Variants in SH3RF3 observed in about 807,000 individuals in gnomAD.
The protein encoded by SH3RF3 is E3 ubiquitin-protein ligase SH3RF3.
Under a neutral mutation model 66.3 loss-of-function variants are expected in SH3RF3, and 29 were observed. The observed-to-expected ratio is 0.44, with a 90% CI of 0.33 to 0.60. The LOEUF is 0.60. Among genes scored for constraint, SH3RF3 ranks in the 20% least tolerant of loss-of-function variants. SH3RF3 has a pLI of 0.04. For synonymous variants in SH3RF3, 583 were observed against 532.0 expected (o/e 1.10, Z -1.32); for missense variants, 1,194 against 1,190.9 (o/e 1.00, Z -0.04).
intron 1 of SH3RF3, among the ~76,000 whole-genome samples, chr2:109,237,703 T>C (rs1413602856): frequency 1.3e-5 from 2 of 152,190 alleles, no homozygotes; most frequent in African/African-American, 2.4e-5. Flanking sequence ...AGACAAAAGA[T>C]TGGACACTCC....
chr2:109,433,985 A>C (rs1244226844), intron 6 of SH3RF3, among the ~76,000 whole-genome samples: 1 of 152,148 alleles, frequency 6.6e-6, no homozygotes, highest in Admixed American at 6.5e-5. Flanking sequence ...TGACTTGCCC[A>C]GTGTGCGCAG....
At chr2:109,150,997 T>C (rs1044204395) in intron 1 of SH3RF3, among the ~76,000 whole-genome samples, 13 of 152,170 alleles carry the variant, frequency 8.5e-5, no homozygotes, top group Non-Finnish European at 1.8e-4. Flanking sequence ...GCTGAAACAT[T>C]GATGAAGGTC....
chr2:109,393,042 C>G (rs927806129), intron 3 of SH3RF3, among the ~76,000 whole-genome samples: 5 of 152,130 alleles, frequency 3.3e-5, no homozygotes, highest in Non-Finnish European at 7.4e-5. Context: ...CGAAGTCCAG[C>G]CCAGCCCAGC....
chr2:109,435,882 T>A (rs1677384196), intron 6 of SH3RF3, among the ~76,000 whole-genome samples: 1 of 152,264 alleles, frequency 6.6e-6, no homozygotes, highest in Middle Eastern at 3.4e-3. Flanking sequence ...CTGGGTGAAG[T>A]TCAGCACAGC....
In SH3RF3 at chr2:109,361,363, T is replaced by C. The variant is rs191499501; in HGVS notation, c.850-10223T>C. 6.5e-4 allele frequency among the ~76,000 whole-genome samples: 99 copies of C among 152,334 alleles called. 3 individuals carry two copies. The highest frequency in any genetic ancestry group is 4.9e-3 in the Admixed American group (75 of 15,306). ...GTTAGGAAATATTCTTTCTGCGAAG[T>C]ATTGAGATTGTAGAGAATTGGTATA... On this transcript the variant is annotated intron_variant, in intron 2 of 9. Transcript: ENST00000309415.
chr2:109,149,002 G>A (rs774317823), intron 1 of SH3RF3, among the ~76,000 whole-genome samples: 11 of 152,194 alleles, frequency 7.2e-5, no homozygotes, highest in Non-Finnish European at 1.6e-4. Context: ...TGCACTTCTG[G>A]CTTTCAACTG....
intron 9 of SH3RF3, among the ~76,000 whole-genome samples, chr2:109,494,353 A>ACAGC (rs1199091919): frequency 6.6e-6 from 1 of 152,088 alleles, no homozygotes; most frequent in African/African-American, 2.4e-5. Context: ...TTTCCAAAAA[A>ACAGC]CAGCCTGAAA....
At chr2:109,229,242 A>G (rs1194365647) in intron 1 of SH3RF3, among the ~76,000 whole-genome samples, 1 of 152,126 alleles carries the variant, frequency 6.6e-6, no homozygotes, top group African/African-American at 2.4e-5. Context: ...TTTTTAGTAC[A>G]CTTCTTATTT....
chr2:109,288,159 G>T (rs2105359060), intron 1 of SH3RF3, among the ~76,000 whole-genome samples: 1 of 152,350 alleles, frequency 6.6e-6, no homozygotes. Flanking sequence ...TTTCCAAGAA[G>T]AACTCAAACT....
intron 1 of SH3RF3, among the ~76,000 whole-genome samples, chr2:109,256,619 T>A (rs1171408995): frequency 6.6e-6 from 1 of 152,152 alleles, no homozygotes; most frequent in East Asian, 1.9e-4. Flanking sequence ...GATTTGCCAA[T>A]GGGATTGTGC....
intron 2 of SH3RF3, among the ~76,000 whole-genome samples, chr2:109,355,839 G>C (rs1381964273): frequency 6.6e-6 from 1 of 152,188 alleles, no homozygotes; most frequent in Non-Finnish European, 1.5e-5. Flanking sequence ...ATACTAATGA[G>C]TCTGTGAAGC....
intron 1 of SH3RF3, among the ~76,000 whole-genome samples, chr2:109,236,696 C>T (rs1679657782): frequency 6.6e-6 from 1 of 152,162 alleles, no homozygotes; most frequent in Non-Finnish European, 1.5e-5. Context: ...AAGGAAATCC[C>T]AGGTGACACT....
intron 1 of SH3RF3, among the ~76,000 whole-genome samples, chr2:109,307,255 C>T (rs1166668068): frequency 6.6e-6 from 1 of 152,062 alleles, no homozygotes; most frequent in Admixed American, 6.5e-5. Context: ...TGTGTGTAGC[C>T]ACATTGATTT....
At chr2:109,391,582 G>A (rs1304222391) in intron 3 of SH3RF3, among the ~76,000 whole-genome samples, 1 of 152,226 alleles carries the variant, frequency 6.6e-6, no homozygotes, top group Non-Finnish European at 1.5e-5. Context: ...TAGCAGGTGT[G>A]TGGCCACGGC....
At chr2:109,345,360 C>T (rs560700703) in intron 1 of SH3RF3, among the ~76,000 whole-genome samples, 42 of 152,178 alleles carry the variant, frequency 2.8e-4, no homozygotes, top group East Asian at 1.4e-3. Flanking sequence ...TCAGATAGCA[C>T]GAGCCGGCCG....
chr2:109,336,114 AG>A (rs1280854107), intron 1 of SH3RF3, among the ~76,000 whole-genome samples: 1 of 152,200 alleles, frequency 6.6e-6, no homozygotes, highest in Non-Finnish European at 1.5e-5. Context: ...TTAATATTTT[AG>A]GAAGTTCAAA....
intron 1 of SH3RF3, among the ~76,000 whole-genome samples, chr2:109,340,275 A>G (rs188244010): frequency 1.3e-5 from 2 of 152,292 alleles, no homozygotes; most frequent in East Asian, 3.9e-4. Context: ...TATAAGGCCA[A>G]GCTCACAGGG....
At chr2:109,229,982 G>A (rs1253979585) in intron 1 of SH3RF3, among the ~76,000 whole-genome samples, 4 of 151,908 alleles carry the variant, frequency 2.6e-5, no homozygotes, top group African/African-American at 9.7e-5. Context: ...ACGCCAGTAT[G>A]CCCGGCTAAT....
At chr2:109,419,362 C>T (rs1676809507) in intron 4 of SH3RF3, among the ~76,000 whole-genome samples, 177 bp from the exon 5 acceptor site, 1 of 152,202 alleles carries the variant, frequency 6.6e-6, no homozygotes, top group South Asian at 2.1e-4. Flanking sequence ...GGGCAGGGGT[C>T]CCGGGCTGCC....
Sources: gnomAD v4.1 joint callset for allele counts (sites outside exome capture counted in the v4.1 genomes callset) on GRCh38, gnomAD v4.1.1 for gene constraint, MANE v1.5 for transcripts, NCBI Gene and HGNC (gene_info 2026-07-23, HGNC 2026-07-21) for gene names.